RYR3: variants seen among roughly 807,000 people sequenced by gnomAD.
The protein encoded by RYR3 is brain ryanodine receptor-calcium release channel.
A neutral mutation model predicts 584.3 loss-of-function variants in RYR3; 207 were observed. The observed-to-expected ratio is 0.35, with a 90% confidence interval of 0.32 to 0.40. The LOEUF (loss-of-function observed/expected upper bound fraction) is 0.40. Ranked by LOEUF, RYR3 falls within the 10% of genes least tolerant of loss-of-function variation. The pLI, the probability that RYR3 is intolerant of heterozygous loss-of-function variation, is 1.00. For synonymous variants in RYR3, 2,416 were observed against 2,248.5 expected, an observed-to-expected ratio of 1.07 and a Z score of -2.11; for missense variants, 5,616 against 6,089.2, an observed-to-expected ratio of 0.92 and a Z score of 2.59.
chr15:33,365,063 C>G (rs1269245868), intron 1 of RYR3, among the ~76,000 whole-genome samples: 1 of 152,140 alleles, frequency 6.6e-6, no homozygotes, highest in Non-Finnish European at 1.5e-5. Context: ...GTAGCAGCAA[C>G]ATGTAGGAGC....
At chr15:33,655,818 G>A (rs948024112) in intron 32 of RYR3, among the ~76,000 whole-genome samples, 6 of 152,180 alleles carry the variant, frequency 3.9e-5, no homozygotes, top group Admixed American at 2.0e-4. Flanking sequence ...CAGTGGGATC[G>A]TTGTTATTCC....
intron 85 of RYR3, among the ~76,000 whole-genome samples, chr15:33,827,494 G>A (rs145484243): frequency 6.6e-6 from 1 of 152,166 alleles, no homozygotes; most frequent in African/African-American, 2.4e-5. Context: ...ACACCAAATC[G>A]TCTGTTATGA....
chr15:33,767,914 T>C (rs1362609494), intron 60 of RYR3, among the ~76,000 whole-genome samples: 3 of 152,194 alleles, frequency 2.0e-5, no homozygotes, highest in Non-Finnish European at 4.4e-5. Context: ...GACTCCTTTC[T>C]GACATCACAA....
rs555819927 is a variant in RYR3, at chr15:33,446,375, A to G, written c.52-27044A>G. 2.3e-3 allele frequency among the ~76,000 whole-genome samples: 344 copies of G among 152,312 alleles called. 5 individuals carry two copies. Among genetic ancestry groups the G allele is most frequent in the Non-Finnish European group, 7.2e-4 (49 of 68,024 alleles). On this transcript the variant is annotated intron_variant, in intron 1 of 103. Transcript: ENST00000634891. The stretch of plus-strand genomic sequence containing the variant: ...ATGAAAATAAGCTTAATGTGTTTGT[A>G]TTTGTTTGCTAGAGCTGCCACAATA...
At chr15:33,749,550 C>A (rs1039984186) in intron 55 of RYR3, among the ~76,000 whole-genome samples, 5 of 152,170 alleles carry the variant, frequency 3.3e-5, no homozygotes, top group African/African-American at 9.7e-5. Context: ...ACAGCACTTT[C>A]CTTTAAGACG....
At chr15:33,440,981 C>T (rs907779921) in intron 1 of RYR3, among the ~76,000 whole-genome samples, 7 of 152,162 alleles carry the variant, frequency 4.6e-5, no homozygotes, top group Admixed American at 6.5e-5. Flanking sequence ...GTGGTGGTAA[C>T]GATGATTTCT....
intron 43 of RYR3, among the ~76,000 whole-genome samples, chr15:33,720,989 C>G (rs1381981519): frequency 6.6e-6 from 1 of 152,216 alleles, no homozygotes; most frequent in Non-Finnish European, 1.5e-5. Flanking sequence ...TTCTTTGATG[C>G]TCCTCCCTCC....
chr15:33,821,719 C>A, intron 80 of RYR3, 117 bp downstream of exon 80: 1 of 938,592 alleles, frequency 1.1e-6, no homozygotes, highest in Non-Finnish European at 1.7e-6. Flanking sequence ...AATCACTTAG[C>A]TCACGTTTGT....
At chr15:33,517,054 G>C (rs889296495) in intron 3 of RYR3, among the ~76,000 whole-genome samples, 1 of 152,062 alleles carries the variant, frequency 6.6e-6, no homozygotes. Context: ...GTGTGCAGTG[G>C]CACAATCTTG....
rs549284514 is a variant in RYR3, at chr15:33,333,282, C to T, written c.51+22186C>T. ...AAAAAGGAAAATTTCAGGCCAATAT[C>T]CTTGATGAACATCAATGTAAAAATC... On this transcript the variant is annotated intron_variant, in intron 1 of 103. Transcript: ENST00000634891. 3.3e-5 allele frequency among the ~76,000 whole-genome samples: 5 copies of T among 152,192 alleles called. 1 individual carries two copies. The highest frequency in any genetic ancestry group is 1.2e-4 in the African/African-American group (5 of 41,524).
chr15:33,816,869 T>C lies in RYR3; in HGVS notation c.10510T>C (p.Ser3504Pro). 1 of 1,611,116 alleles carries C rather than the reference T, an allele frequency of 6.2e-7. No homozygotes were observed. The highest frequency in any genetic ancestry group is 1.1e-5 in the South Asian group (1 of 90,418). ...APLYNLPRHR[S>P]INLFLHGYQR... ...CTCACCCCTTCCGCTCAGGCACCGC[T>C]CTATTAACCTCTTCCTCCATGGCTA... Residue 3504 changes from serine (S) to proline (P), a missense_variant, in exon 75 of 104, where the codon TCT becomes CCT. By Grantham distance (74) the Ser-to-Pro change is moderately conservative. This residue lies in a region of RYR3 where 954 missense variants were observed against 1,132.2 expected (regional missense o/e 0.84). Coordinates refer to ENST00000634891, the MANE Select transcript of RYR3 (RefSeq NM_001036.6).
intron 1 of RYR3, among the ~76,000 whole-genome samples, chr15:33,469,122 T>C (rs1349524838): frequency 6.6e-6 from 1 of 152,108 alleles, no homozygotes; most frequent in Admixed American, 6.5e-5. Context: ...TATGGTGATA[T>C]TGCTATGGAA....
intron 1 of RYR3, among the ~76,000 whole-genome samples, chr15:33,319,666 C>G (rs1367123994): frequency 2.0e-5 from 3 of 152,198 alleles, no homozygotes; most frequent in Non-Finnish European, 2.9e-5. Flanking sequence ...AGATTGCCTG[C>G]CCTTCCCAGG....
chr15:33,662,355 C>T lies in RYR3; in HGVS notation c.4825C>T (p.Leu1609=). ...PGLLRSGFYD[L]LISIHLASAK... ...CCTCCTTCGATCTGGTTTCTATGACCTGCTCATCAGCATCCACCTGGCCAG... is the reference window on the plus strand; with the variant it reads ...CCTCCTTCGATCTGGTTTCTATGACTTGCTCATCAGCATCCACCTGGCCAG... The change falls in exon 35 of 104, where the codon CTG becomes TTG. Residue 1609 remains leucine (L), a synonymous_variant. Transcript: ENST00000634891. 1 of 1,612,886 alleles carries T rather than the reference C, an allele frequency of 6.2e-7. No individual in the cohort carries two copies. The highest frequency in any genetic ancestry group is 1.1e-5 in the South Asian group (1 of 90,724).
chr15:33,592,965 T>C (rs1242468339), intron 16 of RYR3, among the ~76,000 whole-genome samples: 1 of 152,204 alleles, frequency 6.6e-6, no homozygotes, highest in Non-Finnish European at 1.5e-5. Context: ...AATCAGTATA[T>C]GTAAGAAGTA....
chr15:33,864,138 GTTCT>G lies in RYR3; in HGVS notation c.14471_14474del (p.Phe4824Ter). 1 of 1,610,522 alleles carries G rather than the reference GTTCT, an allele frequency of 6.2e-7. No individual in the cohort carries two copies. The highest frequency in any genetic ancestry group is 8.5e-7 in the Non-Finnish European group (1 of 1,177,694). ...TAATACTATCTTTTCCTCGTTCCAG[GTTCT>G]TTCTGATGTATTTGATTAATAAAGA... On this transcript the variant is annotated frameshift_variant and splice_region_variant, in exon 103 of 104. Coordinates refer to ENST00000634891, the MANE Select transcript of RYR3 (RefSeq NM_001036.6). LOFTEE classifies it high-confidence loss of function.
chr15:33,398,318 G>A lies in RYR3; in HGVS notation c.52-75101G>A, dbSNP rs567920524. The stretch of plus-strand genomic sequence containing the variant: ...ATCCACAATGCTGTGGGTATCAGGC[G>A]CACCATTCTTAGTGCAGTAAGCAGT... On this transcript the variant is annotated intron_variant, in intron 1 of 103. Coordinates refer to ENST00000634891, the MANE Select transcript of RYR3 (RefSeq NM_001036.6). Among the ~76,000 whole-genome samples, 21 of 152,270 alleles carry A rather than the reference G, an allele frequency of 1.4e-4. No individual in the cohort carries two copies. In the South Asian group the frequency reaches 3.9e-3, roughly 29 times the overall value.
chr15:33,528,234 T>C (rs1007375290), intron 3 of RYR3, among the ~76,000 whole-genome samples: 1 of 152,110 alleles, frequency 6.6e-6, no homozygotes, highest in East Asian at 1.9e-4. Flanking sequence ...ACTGAGCCAG[T>C]CAGTCTGAGC....
chr15:33,713,349 G>T (rs2067255188), intron 43 of RYR3, among the ~76,000 whole-genome samples: 1 of 152,018 alleles, frequency 6.6e-6, no homozygotes. Context: ...AGTGGTTATA[G>T]TGAGTTGTAG....
Sources: allele counts gnomAD v4.1 joint callset (sites outside exome capture counted in the v4.1 genomes callset), GRCh38; gene constraint gnomAD v4.1.1; regional missense constraint gnomAD v4.1.1; transcripts MANE v1.5; gene names NCBI Gene and HGNC (gene_info 2026-07-23, HGNC 2026-07-21).